YEATS2: variants seen among roughly 807,000 people sequenced by gnomAD.
YEATS2 encodes YEATS domain containing 2, also known as YEATS domain-containing protein 2.
A neutral mutation model predicts 163.2 loss-of-function variants in YEATS2; 77 were observed. The ratio of observed to expected loss-of-function variants is 0.47; its 90% confidence interval spans 0.39 to 0.57. The LOEUF (loss-of-function observed/expected upper bound fraction) is 0.57, where lower values mean the gene tolerates loss of function less well. YEATS2 is among the 20% of genes least tolerant of loss of function. The probability of loss-of-function intolerance (pLI) is 0.00; values close to 1 mark genes in which losing one functional copy is unlikely to be tolerated. For synonymous variants in YEATS2, 631 were observed against 645.1 expected (o/e 0.98, Z 0.33); for missense variants, 1,549 against 1,729.8 (o/e 0.90, Z 1.85).
At chr3:183,750,151 G>A (rs996771971) in intron 9 of YEATS2, among the ~76,000 whole-genome samples, 1 of 152,114 alleles carries the variant, frequency 6.6e-6, no homozygotes, top group Non-Finnish European at 1.5e-5. Context: ...TAGAGACAGG[G>A]TCTCACTATG....
intron 1 of YEATS2, among the ~76,000 whole-genome samples, chr3:183,709,633 C>G (rs1039314808): frequency 1.3e-5 from 2 of 151,572 alleles, no homozygotes; most frequent in Non-Finnish European, 1.5e-5. Context: ...CTGCATCTTG[C>G]CCACATTTAC....
Position 183,752,199 on chromosome 3 carries a change from T to G in YEATS2, c.1096T>G (p.Ser366Ala). 2 of 1,614,158 alleles carry G rather than the reference T, an allele frequency of 1.2e-6. No individual in the cohort carries two copies. Among genetic ancestry groups the G allele is most frequent in the Non-Finnish European group, 8.5e-7 (1 of 1,180,022 alleles). Reference protein sequence around the residue: ...PLTIPAPVKASSPIKQSHEPV... With the variant: ...PLTIPAPVKAASPIKQSHEPV... Reference sequence around the variant, plus strand: ...GACCATTCCAGCCCCAGTGAAAGCTTCTTCACCAATAAAGCAGTCACATGA... The same window carrying G: ...GACCATTCCAGCCCCAGTGAAAGCTGCTTCACCAATAAAGCAGTCACATGA... The change falls in exon 10 of 31, where the codon TCT becomes GCT. Residue 366 changes from serine (S) to alanine (A), a missense_variant. Transcript: ENST00000305135.
At chr3:183,710,349 A>G (rs982819102) in intron 1 of YEATS2, among the ~76,000 whole-genome samples, 1 of 152,206 alleles carries the variant, frequency 6.6e-6, no homozygotes, top group African/African-American at 2.4e-5. Context: ...TTATATCATC[A>G]TGAGAGCATG....
chr3:183,803,178 T>C, intron 25 of YEATS2, 78 bp from the exon 26 acceptor site: 1 of 1,484,400 alleles, frequency 6.7e-7, no homozygotes, highest in East Asian at 2.3e-5. Flanking sequence ...AAGAAGTGAC[T>C]GGCTTGCCTC....
At position 183,722,588 on chromosome 3, in the gene YEATS2, G is replaced by A. The variant is rs540892049; in HGVS notation, c.537+452G>A. ...ATAGGCGTGAGCCACTGCGCCCAGC[G>A]GGAAACCAAATCTTGATTTGGTTTT... On this transcript the variant is annotated intron_variant, in intron 5 of 30. Transcript: ENST00000305135. 2.3e-3 allele frequency among the ~76,000 whole-genome samples: 336 copies of A among 147,068 alleles called. 1 individual carries two copies. Among genetic ancestry groups the A allele is most frequent in the African/African-American group, 8.3e-3 (330 of 39,898 alleles).
rs562806471 is a variant in YEATS2, at chr3:183,804,717, G to T, written c.3784+529G>T. On this transcript the variant is annotated intron_variant, in intron 27 of 30. Transcript: ENST00000305135. Reference sequence around the variant, plus strand: ...AAAACAGACCACTGGGCCGGGCGCCGTGGCTCACGCCTGTAATCCCAGCAC... The same window carrying T: ...AAAACAGACCACTGGGCCGGGCGCCTTGGCTCACGCCTGTAATCCCAGCAC... Among the ~76,000 whole-genome samples the T allele has an allele frequency of 1.3e-3, 199 of 152,310 alleles. 5 individuals carry two copies. The South Asian group carries it at 0.038, about 29-fold the overall frequency.
chr3:183,805,385 GCC>G (rs1279547132), intron 27 of YEATS2, among the ~76,000 whole-genome samples: 1 of 152,144 alleles, frequency 6.6e-6, no homozygotes, highest in Non-Finnish European at 1.5e-5. Context: ...GGGCAACAGA[GCC>G]AGGCCCTGTC....
At chr3:183,787,779 C>T (rs1016661235) in intron 20 of YEATS2, among the ~76,000 whole-genome samples, 5 of 151,932 alleles carry the variant, frequency 3.3e-5, no homozygotes, top group African/African-American at 1.2e-4. Flanking sequence ...GGGCGGATCA[C>T]GAGGTCAGGA....
Position 183,786,165 on chromosome 3 carries a change from A to G in YEATS2, c.2777A>G (p.Asp926Gly), listed in dbSNP as rs764934663. The G allele has an allele frequency of 6.2e-7, 1 of 1,614,080 alleles. No individual in the cohort carries two copies. The highest frequency in any genetic ancestry group is 8.5e-7 in the Non-Finnish European group (1 of 1,179,962). Reference protein sequence around the residue: ...GGQASLMKISDSTLKTVPATS... With the variant: ...GGQASLMKISGSTLKTVPATS... ...CAGGCATCTCTAATGAAAATATCCGATAGCACCTTGAAGACTGTGCCAGCC... is the reference window on the plus strand; with the variant it reads ...CAGGCATCTCTAATGAAAATATCCGGTAGCACCTTGAAGACTGTGCCAGCC... The change falls in exon 20 of 31, where the codon GAT becomes GGT. Residue 926 changes from aspartate to glycine, a missense_variant. Asp to Gly is a moderately conservative substitution (Grantham distance 94). Coordinates refer to ENST00000305135, the MANE Select transcript of YEATS2 (RefSeq NM_018023.5).
chr3:183,751,921 A>G, intron 9 of YEATS2, 152 bp from the exon 10 acceptor site: 1 of 807,584 alleles, frequency 1.2e-6, no homozygotes, highest in South Asian at 1.7e-5. Flanking sequence ...ACCTTCTAGA[A>G]TAAATCCTTT....
chr3:183,807,767 A>G lies in YEATS2; in HGVS notation c.4012-263A>G, dbSNP rs1577235633. ...ATCAGAACCCAGGCAGATCCCAACC[A>G]TGTTCTCCCACGAAGGAGATTTGAG... On this transcript the variant is annotated intron_variant, in intron 28 of 30. Coordinates refer to ENST00000305135, the MANE Select transcript of YEATS2 (RefSeq NM_018023.5). The G allele has an allele frequency of 1.8e-5, 7 of 391,478 alleles. No homozygotes were observed. The East Asian group carries it at 2.4e-4, about 14-fold the overall frequency. 24.3% of individuals were successfully genotyped at this position (391,478 alleles called of 1,614,324 possible).
intron 6 of YEATS2, among the ~76,000 whole-genome samples, chr3:183,725,928 C>A (rs1717045888): frequency 6.6e-6 from 1 of 152,130 alleles, no homozygotes; most frequent in South Asian, 2.1e-4. Context: ...AGGTCTTTTT[C>A]TGGGACTCTA....
At chr3:183,734,772 C>T (rs978880169) in intron 7 of YEATS2, among the ~76,000 whole-genome samples, 33 of 152,114 alleles carry the variant, frequency 2.2e-4, no homozygotes, top group African/African-American at 7.7e-4. Flanking sequence ...ATAAATTAGT[C>T]GAGCAGGGAG....
At chr3:183,725,593 C>A (rs1228157764) in intron 6 of YEATS2, among the ~76,000 whole-genome samples, 1 of 152,164 alleles carries the variant, frequency 6.6e-6, no homozygotes, top group Non-Finnish European at 1.5e-5. Flanking sequence ...GAGAACTACC[C>A]CTTATAAAAC....
intron 1 of YEATS2, among the ~76,000 whole-genome samples, chr3:183,704,859 C>G (rs949209718): frequency 6.6e-6 from 1 of 152,082 alleles, no homozygotes; most frequent in African/African-American, 2.4e-5. Context: ...AAACTCCTGT[C>G]CTCAAGTGAT....
At position 183,800,493 on chromosome 3, in the gene YEATS2, C is replaced by T. The variant is rs200160655; in HGVS notation, c.3353C>T (p.Pro1118Leu). The T allele has an allele frequency of 1.2e-5, 19 of 1,614,082 alleles. No homozygotes were observed. In the East Asian group the frequency reaches 2.5e-4, roughly 21 times the overall value. ...AAGACTGAACCAGAAACACCTGGAC[C>T]GAGTTGCCTCTCTCAGGAGGGTCAG... ...KVKTEPETPGPSCLSQEGQTA... is the reference protein window; with the variant it reads ...KVKTEPETPGLSCLSQEGQTA... The change falls in exon 24 of 31, where the codon CCG becomes CTG. Residue 1118 changes from proline (P) to leucine (L), a missense_variant. Transcript: ENST00000305135.
At position 183,758,915 on chromosome 3, in the gene YEATS2, T is replaced by C; in HGVS notation, c.1606T>C (p.Ser536Pro). ...TTCTCAGGTCTCCCAAGGAACAGGT[T>C]CCCCTGTTCCTAAAATTCATGGAAG... ...TASQVSQGTG[S>P]PVPKIHGSSF... Residue 536 changes from serine to proline, a missense_variant, in exon 13 of 31, where the codon TCC (serine) becomes CCC (proline). Transcript: ENST00000305135. 1 of 1,594,286 alleles carries C rather than the reference T, an allele frequency of 6.3e-7. No homozygotes were observed. The highest frequency in any genetic ancestry group is 8.5e-7 in the Non-Finnish European group (1 of 1,174,028).
chr3:183,781,013 A>G (rs939791969), intron 19 of YEATS2, among the ~76,000 whole-genome samples: 1 of 152,236 alleles, frequency 6.6e-6, no homozygotes, highest in African/African-American at 2.4e-5. Flanking sequence ...ACTCTTCTAA[A>G]TTCTTGGGTT....
At chr3:183,809,783 ATAT>A (rs2108547335) in intron 30 of YEATS2, among the ~76,000 whole-genome samples, 1 of 152,350 alleles carries the variant, frequency 6.6e-6, no homozygotes, top group East Asian at 1.9e-4. Flanking sequence ...GAGGAAACAA[ATAT>A]TATTTTATTG....
Sources: gnomAD v4.1 joint callset for allele counts (sites outside exome capture counted in the v4.1 genomes callset) on GRCh38, gnomAD v4.1.1 for gene constraint, MANE v1.5 for transcripts, NCBI Gene and HGNC (gene_info 2026-07-23, HGNC 2026-07-21) for gene names.